DEFB110: variants seen among roughly 807,000 people sequenced by gnomAD.
DEFB110 encodes beta-defensin 110.
A neutral mutation model predicts 2.5 loss-of-function variants in DEFB110; 4 were observed. The ratio of observed to expected loss-of-function variants is 1.60; its 90% confidence interval spans 0.79 to 3.66. The LOEUF is 3.66. Ranked by LOEUF, DEFB110 falls within the 30% of genes most tolerant of loss-of-function variation. The pLI, the probability that DEFB110 is intolerant of heterozygous loss-of-function variation, is 0.01. For missense variants in DEFB110, 94 were observed against 75.4 expected, an observed-to-expected ratio of 1.25 and a Z score of -0.91; for synonymous variants, 29 against 21.8, an observed-to-expected ratio of 1.33 and a Z score of -0.92.
intron 1 of DEFB110, among the ~76,000 whole-genome samples, chr6:50,012,136 A>T (rs1774238094): frequency 1.3e-5 from 2 of 151,958 alleles, no homozygotes; most frequent in African/African-American, 4.8e-5. Context: ...TGCCTTTTGG[A>T]TTTCACACCA....
downstream of DEFB110, among the ~76,000 whole-genome samples, chr6:50,014,464 T>C (rs549726553): frequency 6.6e-6 from 1 of 151,928 alleles, no homozygotes; most frequent in Admixed American, 6.6e-5. Flanking sequence ...AAAATTTGTG[T>C]TTACTAATTA....
At chr6:50,015,139 A>C (rs1774295584), downstream of DEFB110, among the ~76,000 whole-genome samples, 1 of 151,790 alleles carries the variant, frequency 6.6e-6, no homozygotes, top group African/African-American at 2.4e-5. Context: ...TCTGTCTGCC[A>C]TAGCCAAAAT....
downstream of DEFB110, among the ~76,000 whole-genome samples, chr6:50,016,274 ATTGAAC>A (rs1402653901): frequency 6.6e-6 from 1 of 151,844 alleles, no homozygotes; most frequent in Non-Finnish European, 1.5e-5. Flanking sequence ...TCATATGGGT[ATTGAAC>A]TACCAAATAA....
Position 50,019,035 on chromosome 6 carries a change from T to G in DEFB110, c.146A>C (p.Asn49Thr). The change falls in exon 2 of 2, where the codon AAT (asparagine) becomes ACT (threonine). Residue 49 changes from asparagine to threonine, a missense_variant. By Grantham distance (65) the Asn-to-Thr change is moderately conservative. Coordinates refer to ENST00000371148, the MANE Select transcript of DEFB110 (RefSeq NM_001037497.2). ...NGQCKNQCHE[N>T]EIRIAYCIRP... is the part of the protein sequence containing the mutation. The stretch of plus-strand genomic sequence containing the variant: ...TATGCAGTAAGCAATCCTAATTTCA[T>G]TTTCATGACACTGATTTTTACATTG... The G allele has an allele frequency of 6.2e-7, 1 of 1,613,240 alleles. No homozygotes were observed. The highest frequency in any genetic ancestry group is 8.5e-7 in the Non-Finnish European group (1 of 1,179,442).
downstream of DEFB110, among the ~76,000 whole-genome samples, chr6:50,015,407 A>T (rs1413730543): frequency 6.6e-6 from 1 of 151,692 alleles, no homozygotes; most frequent in Non-Finnish European, 1.5e-5. Flanking sequence ...TGGGTAATCA[A>T]TTTGTCAAGA....
chr6:50,015,180 C>T (rs1774296195), downstream of DEFB110, among the ~76,000 whole-genome samples: 1 of 151,760 alleles, frequency 6.6e-6, no homozygotes, highest in Non-Finnish European at 1.5e-5. Flanking sequence ...GCTAGCTCTA[C>T]ATTTAACAGA....
At chr6:50,010,612 AT>A (rs953108836) in intron 1 of DEFB110, among the ~76,000 whole-genome samples, 11 of 150,536 alleles carry the variant, frequency 7.3e-5, no homozygotes, top group African/African-American at 2.4e-4. Flanking sequence ...TAAATTATAT[AT>A]TTTTGATGTA....
At chr6:50,018,113 A>C (rs1326082569), downstream of DEFB110, among the ~76,000 whole-genome samples, 1 of 151,982 alleles carries the variant, frequency 6.6e-6, no homozygotes, top group Non-Finnish European at 1.5e-5. Context: ...AATGGTACAG[A>C]TGCATCACTG....
At chr6:50,009,184 T>C in exon 2 of DEFB110, 1 of 1,611,232 alleles carries the variant, frequency 6.2e-7, no homozygotes, top group Non-Finnish European at 8.5e-7. Context: ...TCCATAATCA[T>C]ACTCAACATC....
downstream of DEFB110, among the ~76,000 whole-genome samples, chr6:50,015,221 T>C (rs533026434): frequency 6.6e-6 from 1 of 151,936 alleles, no homozygotes; most frequent in African/African-American, 2.4e-5. Flanking sequence ...CCTCATTGTT[T>C]GTATTATTAT....
chr6:50,012,401 G>A (rs1028566876), intron 1 of DEFB110, among the ~76,000 whole-genome samples: 2 of 151,846 alleles, frequency 1.3e-5, no homozygotes, highest in Non-Finnish European at 2.9e-5. Context: ...GCGAGTGAAT[G>A]CATATGTTAT....
intron 1 of DEFB110, among the ~76,000 whole-genome samples, chr6:50,013,121 C>G (rs1271267849): frequency 6.6e-6 from 1 of 151,810 alleles, no homozygotes; most frequent in South Asian, 2.1e-4. Context: ...ACTCCAATAA[C>G]TCTTCCCATT....
At chr6:50,016,455 T>G (rs1774317435), downstream of DEFB110, among the ~76,000 whole-genome samples, 1 of 151,886 alleles carries the variant, frequency 6.6e-6, no homozygotes, top group East Asian at 1.9e-4. Context: ...ACGAATTAGT[T>G]TAACATTATC....
chr6:50,015,844 G>C (rs1286657828), downstream of DEFB110, among the ~76,000 whole-genome samples: 1 of 151,648 alleles, frequency 6.6e-6, no homozygotes, highest in Admixed American at 6.6e-5. Flanking sequence ...AGAATATATT[G>C]AATGTAGTTT....
downstream of DEFB110, among the ~76,000 whole-genome samples, chr6:50,017,981 C>G (rs1251568337): frequency 6.6e-6 from 1 of 151,806 alleles, no homozygotes; most frequent in Non-Finnish European, 1.5e-5. Context: ...AGAGAGGATT[C>G]TATTTTATTA....
At chr6:50,019,231 A>C in intron 1 of DEFB110, 106 bp from the exon 2 acceptor site, 1 of 1,198,450 alleles carries the variant, frequency 8.3e-7, no homozygotes, top group Non-Finnish European at 1.2e-6. Context: ...GAAAATGTCC[A>C]CCTACCTATG....
At chr6:50,020,321 C>T (rs987893575) in intron 1 of DEFB110, among the ~76,000 whole-genome samples, 4 of 151,816 alleles carry the variant, frequency 2.6e-5, no homozygotes, top group Admixed American at 1.3e-4. Context: ...GTTATGTGAT[C>T]TATTCCAAGT....
At chr6:50,012,221 T>C (rs977761246) in intron 1 of DEFB110, among the ~76,000 whole-genome samples, 2 of 152,022 alleles carry the variant, frequency 1.3e-5, no homozygotes, top group Non-Finnish European at 2.9e-5. Context: ...TTGTTACTAG[T>C]GTTTAATTCC....
chr6:50,018,395 T>C (rs919611746), downstream of DEFB110, among the ~76,000 whole-genome samples: 1 of 152,002 alleles, frequency 6.6e-6, no homozygotes, highest in Admixed American at 6.6e-5. Context: ...CATTTATCTT[T>C]ACAAAATAAT....
Sources: allele counts gnomAD v4.1 joint callset (sites outside exome capture counted in the v4.1 genomes callset), GRCh38; gene constraint gnomAD v4.1.1; transcripts MANE v1.5; gene names NCBI Gene and HGNC (gene_info 2026-07-23, HGNC 2026-07-21).